ACOT12: variants seen among roughly 807,000 people sequenced by gnomAD.
ACOT12 encodes the protein acetyl-coenzyme A thioesterase.
A neutral mutation model predicts 67.7 loss-of-function variants in ACOT12; 51 were observed. That is an observed-to-expected ratio of 0.75 (90% CI 0.60 to 0.95). The LOEUF (loss-of-function observed/expected upper bound fraction) is 0.95. ACOT12 is among the 40% of genes least tolerant of loss of function. The pLI is 0.00. For missense variants in ACOT12, 734 were observed against 708.1 expected, an observed-to-expected ratio of 1.04 and a Z score of -0.41; for synonymous variants, 251 against 244.6, an observed-to-expected ratio of 1.03 and a Z score of -0.24.
At chr5:81,341,424 A>C (rs1417768017) in intron 11 of ACOT12, among the ~76,000 whole-genome samples, 1 of 152,276 alleles carries the variant, frequency 6.6e-6, no homozygotes, top group Non-Finnish European at 1.5e-5. Context: ...GTAAAGTAAC[A>C]ATATAATTTA....
intron 13 of ACOT12, among the ~76,000 whole-genome samples, chr5:81,331,255 A>T (rs1758812960): frequency 6.6e-6 from 1 of 152,192 alleles, no homozygotes; most frequent in Non-Finnish European, 1.5e-5. Flanking sequence ...ATTAAAAAAC[A>T]GGCCGGGTGC....
At chr5:81,310,770 A>G in the ACOT12 span, among the ~76,000 whole-genome samples, 2 of 152,214 alleles carry the variant, frequency 1.3e-5, no homozygotes, top group Admixed American at 1.3e-4. Context: ...TGATCTGTAC[A>G]GTAGAACAGT....
chr5:81,322,828 C>T, the ACOT12 span, among the ~76,000 whole-genome samples: 2 of 152,078 alleles, frequency 1.3e-5, no homozygotes, highest in Non-Finnish European at 2.9e-5. Flanking sequence ...AGGGGAAATG[C>T]CAGACGCTTA....
the ACOT12 span, among the ~76,000 whole-genome samples, chr5:81,323,377 C>G: frequency 3.5e-4 from 53 of 152,318 alleles, no homozygotes; most frequent in Admixed American, 1.4e-3. Flanking sequence ...CTAAGCTGGA[C>G]TCAGATGAAG....
chr5:81,324,017 C>T, the ACOT12 span, among the ~76,000 whole-genome samples: 1 of 151,876 alleles, frequency 6.6e-6, no homozygotes, highest in Non-Finnish European at 1.5e-5. Flanking sequence ...TCTTGGCTCA[C>T]TGCAACCTCT....
intron 4 of ACOT12, among the ~76,000 whole-genome samples, chr5:81,361,600 A>G (rs1343054264): frequency 6.6e-6 from 1 of 152,076 alleles, no homozygotes; most frequent in African/African-American, 2.4e-5. Flanking sequence ...AAACCAAGAT[A>G]CCTCGCATAT....
At chr5:81,309,189 C>G in the ACOT12 span, 7 of 544,844 alleles carry the variant, frequency 1.3e-5, no homozygotes, top group Middle Eastern at 3.4e-4. Flanking sequence ...ATCATATGTA[C>G]TAGGCTTTTT....
chr5:81,383,873 A>AT (rs1760655227), intron 2 of ACOT12, among the ~76,000 whole-genome samples: 1 of 152,086 alleles, frequency 6.6e-6, no homozygotes, highest in African/African-American at 2.4e-5. Flanking sequence ...AATCAAAAAG[A>AT]TTTTTTTAAG....
chr5:81,322,366 T>C, the ACOT12 span, among the ~76,000 whole-genome samples: 5 of 152,104 alleles, frequency 3.3e-5, no homozygotes, highest in East Asian at 7.7e-4. Flanking sequence ...TCTTTAATAT[T>C]ATTTAATATT....
At chr5:81,311,833 A>C in the ACOT12 span, among the ~76,000 whole-genome samples, 1 of 152,230 alleles carries the variant, frequency 6.6e-6, no homozygotes, top group Non-Finnish European at 1.5e-5. Flanking sequence ...ACTTTTAAGG[A>C]AGTGGAGATC....
chr5:81,359,795 AC>A, intron 5 of ACOT12, 107 bp downstream of exon 5: 1 of 1,250,064 alleles, frequency 8.0e-7, no homozygotes, highest in South Asian at 1.6e-5. Flanking sequence ...ACCTAGTGTC[AC>A]CAGGACTGAA....
chr5:81,311,207 A>G, the ACOT12 span: 15 of 1,614,052 alleles, frequency 9.3e-6, no homozygotes, highest in Middle Eastern at 1.6e-4. Flanking sequence ...TGCTCTTTCA[A>G]TAGGTGGCGG....
At chr5:81,320,802 T>C in the ACOT12 span, among the ~76,000 whole-genome samples, 9 of 152,250 alleles carry the variant, frequency 5.9e-5, no homozygotes, top group African/African-American at 1.9e-4. Flanking sequence ...TGTTTTGTTT[T>C]GTTTTGTTTG....
At chr5:81,311,237 G>T in the ACOT12 span, 2 of 1,614,116 alleles carry the variant, frequency 1.2e-6, no homozygotes, top group East Asian at 4.5e-5. Context: ...TTGTGGCTCT[G>T]TGGAACATTT....
At chr5:81,316,411 GT>G in the ACOT12 span, among the ~76,000 whole-genome samples, 1 of 152,170 alleles carries the variant, frequency 6.6e-6, no homozygotes, top group Admixed American at 6.5e-5. Context: ...GCAATATGTG[GT>G]TTTTTGTGAT....
intron 3 of ACOT12, among the ~76,000 whole-genome samples, chr5:81,367,484 G>T (rs545976659): frequency 2.0e-5 from 3 of 152,070 alleles, no homozygotes; most frequent in Non-Finnish European, 4.4e-5. Flanking sequence ...TACTCAAAGG[G>T]ATATTATATT....
intron 6 of ACOT12, 97 bp from the exon 7 acceptor site, chr5:81,346,101 T>C: frequency 6.5e-7 from 1 of 1,529,408 alleles, no homozygotes; most frequent in Non-Finnish European, 8.8e-7. Context: ...TTTCTTTAAA[T>C]TTGACTGAAA....
Position 81,359,933 on chromosome 5 carries a change from T to G in ACOT12, c.466A>C (p.Asn156His). ...VRLQHEDTFNNLMKESSKFDD... is the reference protein window; with the variant it reads ...VRLQHEDTFNHLMKESSKFDD... ...AATTTGCTACTTTCCTTCATTAAAT[T>G]GTTAAAGGTATCTTCATGTTGTAAT... The change falls in exon 5 of 15, where the codon AAT becomes CAT. Residue 156 changes from asparagine to histidine, a missense_variant. Coordinates refer to ENST00000307624, the MANE Select transcript of ACOT12 (RefSeq NM_130767.3). The G allele has an allele frequency of 6.2e-7, 1 of 1,610,662 alleles. No individual in the cohort carries two copies. Among genetic ancestry groups the G allele is most frequent in the Non-Finnish European group, 8.5e-7 (1 of 1,179,220 alleles).
chr5:81,363,705 CA>C, intron 4 of ACOT12, 82 bp downstream of exon 4: 2 of 990,214 alleles, frequency 2.0e-6, no homozygotes, highest in Non-Finnish European at 2.9e-6. Flanking sequence ...GAAGAAGTGT[CA>C]TTTTTTTCTA....
Sources: allele counts gnomAD v4.1 joint callset (sites outside exome capture counted in the v4.1 genomes callset), GRCh38; gene constraint gnomAD v4.1.1; transcripts MANE v1.5; gene names NCBI Gene and HGNC (gene_info 2026-07-23, HGNC 2026-07-21).